Variants in CTBP2 observed in about 807,000 individuals in gnomAD.
CTBP2 encodes C-terminal binding protein 2, also known as C-terminal-binding protein 2.
CTBP2 carries 30 observed loss-of-function variants against 80.3 expected under a neutral mutation model. The observed-to-expected ratio is 0.37, with a 90% confidence interval of 0.28 to 0.51. CTBP2 has a LOEUF of 0.51. CTBP2 is among the 20% of genes least tolerant of loss of function. CTBP2 has a pLI of 0.93. For synonymous variants in CTBP2, 594 were observed against 587.4 expected, an observed-to-expected ratio of 1.01 and a Z score of -0.16; for missense variants, 1,212 against 1,375.3, an observed-to-expected ratio of 0.88 and a Z score of 1.88.
chr10:125,118,695 G>C (rs935329862), intron 1 of CTBP2, among the ~76,000 whole-genome samples: 3 of 131,944 alleles, frequency 2.3e-5, no homozygotes, highest in Non-Finnish European at 3.2e-5. Flanking sequence ...GAACTTGAAA[G>C]AGACCAGTGC....
At chr10:125,154,798 G>A (rs1693656) in intron 1 of CTBP2, among the ~76,000 whole-genome samples, 110,558 of 152,136 alleles carry the variant, frequency 0.73, 41,214 homozygotes, top group African/African-American at 0.87. Flanking sequence ...TTGGGACCTC[G>A]GCTCCCACGT....
chr10:125,161,305 A>G (rs1386584948), upstream of CTBP2: 1 of 151,578 alleles, frequency 6.6e-6, no homozygotes, highest in African/African-American at 2.4e-5. Context: ...CCTCGGTGGC[A>G]GGGGCCGAGG....
At chr10:125,037,237 C>G (rs1480286312) in intron 3 of CTBP2, among the ~76,000 whole-genome samples, 1 of 152,202 alleles carries the variant, frequency 6.6e-6, no homozygotes, top group Non-Finnish European at 1.5e-5. Context: ...TGCAAGCAGA[C>G]AATGGTTTTG....
upstream of CTBP2, among the ~76,000 whole-genome samples, chr10:125,032,106 T>C (rs1366719122): frequency 6.6e-6 from 1 of 151,132 alleles, no homozygotes; most frequent in Non-Finnish European, 1.5e-5. Flanking sequence ...AAAGTGTTGG[T>C]GGAGCCAAAG....
intron 1 of CTBP2, chr10:125,025,985 A>T (rs1957492878): frequency 6.9e-7 from 1 of 1,445,302 alleles, no homozygotes; most frequent in Non-Finnish European, 9.3e-7. Flanking sequence ...TGGCCTGGTG[A>T]GTGAGGACTT....
intron 1 of CTBP2, among the ~76,000 whole-genome samples, chr10:125,159,552 G>A (rs942570749): frequency 2.0e-5 from 3 of 149,882 alleles, no homozygotes; most frequent in African/African-American, 4.9e-5. Context: ...CCAACAATGC[G>A]GGGCCGGCAA....
intron 4 of CTBP2, chr10:124,997,204 T>A (rs992233986): frequency 6.6e-6 from 1 of 152,116 alleles, no homozygotes; most frequent in Admixed American, 6.5e-5. Context: ...CCACCAAATA[T>A]CTACTTACAG....
At chr10:125,123,358 T>A (rs150062535) in intron 1 of CTBP2, among the ~76,000 whole-genome samples, 1 of 152,310 alleles carries the variant, frequency 6.6e-6, no homozygotes, top group African/African-American at 2.4e-5. Flanking sequence ...CACGTCAATT[T>A]CTCCGCTGTG....
At chr10:125,156,431 G>T (rs752998499) in intron 1 of CTBP2, among the ~76,000 whole-genome samples, 1 of 152,318 alleles carries the variant, frequency 6.6e-6, no homozygotes, top group East Asian at 1.9e-4. Flanking sequence ...AAAGCGTTAA[G>T]TGCAAAGGGT....
At chr10:124,996,097 CAT>C (rs1369009024) in intron 4 of CTBP2, 1 of 143,658 alleles carries the variant, frequency 7.0e-6, no homozygotes, top group African/African-American at 2.7e-5. Context: ...GAACTTTATC[CAT>C]GAGATTTTCT....
rs373586573 is a variant in CTBP2, at chr10:125,027,740, T to C, written c.20A>G (p.His7Arg). Residue 7 changes from histidine to arginine, a missense_variant, in exon 1 of 9, where the codon CAT becomes CGT. By Grantham distance (29) the His-to-Arg change is conservative. Around this residue, in one of 3 missense-constraint regions of CTBP2, gnomAD observed 848 missense variants for 782.3 expected, o/e 1.08. Transcript: ENST00000309035. ...GCTCTGAGAACGACCAATATTTATATGCCTGCTGGGAACTGGCATTGGAAA... is the reference window on the plus strand; with the variant it reads ...GCTCTGAGAACGACCAATATTTATACGCCTGCTGGGAACTGGCATTGGAAA... The C allele has an allele frequency of 3.1e-6, 5 of 1,596,276 alleles. No homozygotes were observed. Among genetic ancestry groups the C allele is most frequent in the Non-Finnish European group, 3.4e-6 (4 of 1,168,698 alleles).
intron 4 of CTBP2, among the ~76,000 whole-genome samples, chr10:124,995,542 T>C (rs1953363280): frequency 6.6e-6 from 1 of 152,186 alleles, no homozygotes; most frequent in Non-Finnish European, 1.5e-5. Flanking sequence ...AGGACAAAGA[T>C]GCGCATTTCC....
chr10:125,131,957 T>G (rs1856259165), intron 1 of CTBP2, among the ~76,000 whole-genome samples: 1 of 152,194 alleles, frequency 6.6e-6, no homozygotes. Flanking sequence ...GGCCCTTTGG[T>G]GGACAGCTGG....
At chr10:125,036,805 C>T (rs1274497671) in intron 3 of CTBP2, among the ~76,000 whole-genome samples, 1 of 151,878 alleles carries the variant, frequency 6.6e-6, no homozygotes, top group African/African-American at 2.4e-5. Flanking sequence ...CAGAAAAAAA[C>T]AGACTGCCCG....
At chr10:125,131,285 G>A (rs2136131589) in intron 1 of CTBP2, among the ~76,000 whole-genome samples, 1 of 152,336 alleles carries the variant, frequency 6.6e-6, no homozygotes, top group South Asian at 2.1e-4. Context: ...CACCATGCCA[G>A]GTCATTGCTG....
At chr10:124,994,776 C>T in intron 4 of CTBP2, 93 bp from the exon 7 acceptor site, 1 of 1,265,392 alleles carries the variant, frequency 7.9e-7, no homozygotes, top group South Asian at 1.3e-5. Flanking sequence ...CCGGGCTTGG[C>T]ATCCCCGCTG....
chr10:125,069,205 C>G (rs1845087565), intron 2 of CTBP2, among the ~76,000 whole-genome samples: 1 of 152,160 alleles, frequency 6.6e-6, no homozygotes, highest in Admixed American at 6.5e-5. Context: ...CAAATCAGGA[C>G]CTTCTATTGA....
intron 2 of CTBP2, among the ~76,000 whole-genome samples, chr10:125,074,355 T>C (rs996656280): frequency 9.9e-5 from 15 of 152,152 alleles, no homozygotes; most frequent in African/African-American, 3.4e-4. Flanking sequence ...ACTGTCTTTT[T>C]TTCTTTCTTT....
At chr10:125,062,172 G>A (rs576466396) in intron 2 of CTBP2, among the ~76,000 whole-genome samples, 58 of 152,298 alleles carry the variant, frequency 3.8e-4, no homozygotes, top group African/African-American at 1.3e-3. Flanking sequence ...AGGGGAAAAC[G>A]GGGTGAGCAG....
Sources: gnomAD v4.1 joint callset for allele counts (sites outside exome capture counted in the v4.1 genomes callset) on GRCh38, gnomAD v4.1.1 for gene constraint, gnomAD v4.1.1 regional missense constraint, MANE v1.5 for transcripts, NCBI Gene and HGNC (gene_info 2026-07-23, HGNC 2026-07-21) for gene names.